The following TRAFD1 variants were observed in gnomAD, a reference collection of about 807,000 sequenced individuals.
The protein encoded by TRAFD1 is TRAF-type zinc finger domain-containing protein 1.
In TRAFD1, 38 loss-of-function variants were observed where a neutral mutation model predicts 65.3. The observed-to-expected ratio is 0.58, with a 90% CI of 0.45 to 0.76. The LOEUF is 0.76. Ranked by LOEUF, TRAFD1 falls within the 30% of genes least tolerant of loss-of-function variation. The pLI, the probability that TRAFD1 is intolerant of heterozygous loss-of-function variation, is 0.00. For synonymous variants in TRAFD1, 223 were observed against 257.2 expected, an observed-to-expected ratio of 0.87 and a Z score of 1.27; for missense variants, 631 against 712.6, an observed-to-expected ratio of 0.89 and a Z score of 1.30.
intron 6 of TRAFD1, among the ~76,000 whole-genome samples, chr12:112,144,890 T>G (rs1374297649): frequency 6.6e-6 from 1 of 152,138 alleles, no homozygotes; most frequent in Non-Finnish European, 1.5e-5. Context: ...AATGCGAATT[T>G]ATGTAAAAAT....
intron 2 of TRAFD1, chr12:112,133,419 A>C (rs2079576004): frequency 6.6e-6 from 1 of 152,238 alleles, no homozygotes; most frequent in African/African-American, 2.4e-5. Flanking sequence ...AATAAAATCC[A>C]ATGAAATTAA....
chr12:112,151,000 G>C (rs1352058969), intron 9 of TRAFD1, among the ~76,000 whole-genome samples: 1 of 152,080 alleles, frequency 6.6e-6, no homozygotes, highest in African/African-American at 2.4e-5. Context: ...AGCACTTTGG[G>C]AGGCTGAGGT....
chr12:112,149,994 G>C lies in TRAFD1; in HGVS notation c.1279+123G>C. 19 of 1,347,164 alleles carry C rather than the reference G, an allele frequency of 1.4e-5. No individual in the cohort carries two copies. In the South Asian group the frequency reaches 2.6e-4, roughly 19 times the overall value. The allele number at this position is 1,347,164 out of a possible 1,614,324, so 83.5% of individuals were successfully genotyped here. ...GCATCTCAAATTTCCAAACACACTA[G>C]GGTCTCATAGGGGACTCCTCTGCAG... On this transcript the variant is annotated intron_variant, in intron 9 of 11. Coordinates refer to ENST00000412615, the MANE Select transcript of TRAFD1 (RefSeq NM_006700.3).
Position 112,148,307 on chromosome 12 carries a change from A to G in TRAFD1, c.1158+3A>G. On this transcript the variant is annotated splice_donor_region_variant and intron_variant, in intron 8 of 11. Coordinates refer to ENST00000412615, the MANE Select transcript of TRAFD1 (RefSeq NM_006700.3). ...AGGAGGTGCTGTTCCATCACCAGGT[A>G]AGGGTCCCTGGAGTCCCTGTCCATG... is the stretch of plus-strand genomic sequence containing the variant. 1 of 1,613,752 alleles carries G rather than the reference A, an allele frequency of 6.2e-7. No individual in the cohort carries two copies. Among genetic ancestry groups the G allele is most frequent in the Non-Finnish European group, 8.5e-7 (1 of 1,179,714 alleles).
intron 5 of TRAFD1, 58 bp from the exon 6 acceptor site, chr12:112,142,031 G>C (rs748526412): frequency 6.3e-7 from 1 of 1,581,604 alleles, no homozygotes; most frequent in Non-Finnish European, 8.6e-7. Flanking sequence ...ATGGACTTGA[G>C]TTGAGGGTGG....
intron 2 of TRAFD1, among the ~76,000 whole-genome samples, 184 bp from the exon 3 acceptor site, chr12:112,134,554 C>T (rs957738100): frequency 2.6e-5 from 4 of 152,090 alleles, no homozygotes; most frequent in African/African-American, 9.7e-5. Flanking sequence ...CCGCGCCTGG[C>T]CAGGATTTAG....
At chr12:112,140,080 G>A in intron 4 of TRAFD1, 1 of 292,488 alleles carries the variant, frequency 3.4e-6, no homozygotes. Flanking sequence ...AGAGAAACCT[G>A]TGTCTTTCTA....
rs1185222181 is a variant in TRAFD1, at chr12:112,149,828, A to C, written c.1236A>C (p.Gln412His). 7.4e-6 allele frequency: 12 copies of C among 1,614,094 alleles called. No homozygotes were observed. The highest frequency in any genetic ancestry group is 1.0e-5 in the Non-Finnish European group (12 of 1,180,028). ...EGIPRLDSQP[Q>H]ETSPELPRRR... is the part of the protein sequence containing the mutation. ...TTCCTAGACTGGATTCCCAGCCTCA[A>C]GAGACCTCACCAGAGCTGCCCAGGA... The change falls in exon 9 of 12, where the codon CAA becomes CAC. Residue 412 changes from glutamine (Q) to histidine (H), a missense_variant. Gln to His is a conservative substitution (Grantham distance 24). Coordinates refer to ENST00000412615, the MANE Select transcript of TRAFD1 (RefSeq NM_006700.3).
intron 4 of TRAFD1, among the ~76,000 whole-genome samples, chr12:112,135,705 C>T (rs1040330854): frequency 2.0e-5 from 3 of 151,854 alleles, no homozygotes; most frequent in Non-Finnish European, 4.4e-5. Context: ...CCACATCTGG[C>T]TTCATTTTAA....
intron 7 of TRAFD1, among the ~76,000 whole-genome samples, chr12:112,146,987 GT>G (rs547077120): frequency 1.1e-3 from 58 of 52,524 alleles, no homozygotes; most frequent in South Asian, 2.0e-3. Flanking sequence ...GGGAACTTCT[GT>G]TTTTTTTTTT....
intron 6 of TRAFD1, among the ~76,000 whole-genome samples, chr12:112,144,315 G>A (rs1383033539): frequency 6.6e-6 from 1 of 151,580 alleles, no homozygotes; most frequent in Admixed American, 6.6e-5. Flanking sequence ...TGTTGCCCAG[G>A]CTGGAGTGCC....
At chr12:112,141,410 A>G (rs1291487172) in intron 5 of TRAFD1, 186 bp downstream of exon 5, 15 of 682,234 alleles carry the variant, frequency 2.2e-5, no homozygotes, top group Admixed American at 6.0e-5. Flanking sequence ...TAGGGTTCAT[A>G]ATGGTGAGTA....
intron 2 of TRAFD1, 128 bp from the exon 3 acceptor site, chr12:112,134,610 G>C: frequency 9.2e-7 from 1 of 1,083,586 alleles, no homozygotes; most frequent in South Asian, 1.6e-5. Flanking sequence ...TGTAGGCTAG[G>C]TATTCACTAA....
chr12:112,150,878 T>C (rs1037611825), intron 9 of TRAFD1, among the ~76,000 whole-genome samples: 2 of 151,678 alleles, frequency 1.3e-5, no homozygotes, highest in African/African-American at 4.8e-5. Flanking sequence ...CTTATTATTA[T>C]TACTTAAGAC....
chr12:112,144,686 T>A (rs1321308809), intron 6 of TRAFD1, among the ~76,000 whole-genome samples: 1 of 152,090 alleles, frequency 6.6e-6, no homozygotes, highest in Non-Finnish European at 1.5e-5. Flanking sequence ...TTCAAGACCA[T>A]CCTGGGCAAC....
In TRAFD1 at chr12:112,140,993, GA is replaced by G; in HGVS notation, c.413del (p.Glu138GlyfsTer42). On this transcript the variant is annotated frameshift_variant, in exon 5 of 12. Coordinates refer to ENST00000412615, the MANE Select transcript of TRAFD1 (RefSeq NM_006700.3). LOFTEE classifies it high-confidence loss of function. ...GACTCACCCTGAAGTTTGTGGGAGA[GA>G]GGGGGAGGAAAAGAGAAATGAGGTT... ...LKTHPEVCGR[E>X]GEEKRNEVAI... 6.2e-7 allele frequency: 1 copy of G among 1,614,240 alleles called. No homozygotes were observed. Among genetic ancestry groups the G allele is most frequent in the South Asian group, 1.1e-5 (1 of 91,084 alleles).
intron 4 of TRAFD1, among the ~76,000 whole-genome samples, chr12:112,136,684 G>A (rs1238548696): frequency 6.6e-6 from 1 of 152,108 alleles, no homozygotes; most frequent in African/African-American, 2.4e-5. Flanking sequence ...CTGCAGCCTC[G>A]AATTCTTGGG....
At chr12:112,151,778 C>G in intron 9 of TRAFD1, 23 bp from the exon 10 acceptor site, 1 of 1,599,032 alleles carries the variant, frequency 6.3e-7, no homozygotes. Context: ...TTTCCTAAAG[C>G]TGTTACCATT....
chr12:112,136,844 T>G (rs1378872616), intron 4 of TRAFD1, among the ~76,000 whole-genome samples: 1 of 152,242 alleles, frequency 6.6e-6, no homozygotes, highest in East Asian at 1.9e-4. Context: ...CCTCCCTTCT[T>G]GGCTTTCCCA....
Sources: allele counts gnomAD v4.1 joint callset (sites outside exome capture counted in the v4.1 genomes callset), GRCh38; gene constraint gnomAD v4.1.1; transcripts MANE v1.5; gene names NCBI Gene and HGNC (gene_info 2026-07-23, HGNC 2026-07-21).